UBE3C: variants seen among roughly 807,000 people sequenced by gnomAD.
UBE3C encodes the protein ubiquitin-protein ligase E3C.
UBE3C carries 42 observed loss-of-function variants against 129.4 expected under a neutral mutation model. That is an observed-to-expected ratio of 0.32 (90% CI 0.25 to 0.42). UBE3C has a LOEUF of 0.42. Among genes scored for constraint, UBE3C ranks in the 10% least tolerant of loss-of-function variants. The pLI is 1.00. For missense variants in UBE3C, 1,049 were observed against 1,319.1 expected, an observed-to-expected ratio of 0.80 and a Z score of 3.17; for synonymous variants, 510 against 492.4, an observed-to-expected ratio of 1.04 and a Z score of -0.47.
chr7:157,239,693 A>G (rs10266129), intron 18 of UBE3C, among the ~76,000 whole-genome samples: 51,513 of 152,066 alleles, frequency 0.34, 11,925 homozygotes, highest in African/African-American at 0.65. Flanking sequence ...TGTTCTAAAG[A>G]TGGGAGAAAT....
chr7:157,234,053 A>G (rs771898179), intron 18 of UBE3C, among the ~76,000 whole-genome samples: 4 of 152,238 alleles, frequency 2.6e-5, no homozygotes, highest in Admixed American at 1.3e-4. Context: ...AGTCCCTGCA[A>G]TGCAATGAAT....
intron 1 of UBE3C, among the ~76,000 whole-genome samples, chr7:157,156,291 C>G (rs1807901280): frequency 6.6e-6 from 1 of 150,524 alleles, no homozygotes; most frequent in Non-Finnish European, 1.5e-5. Flanking sequence ...ACTCCTCACA[C>G]CCCCAGTTCT....
chr7:157,189,895 G>T (rs1477215288), intron 10 of UBE3C, among the ~76,000 whole-genome samples: 2 of 152,094 alleles, frequency 1.3e-5, no homozygotes, highest in African/African-American at 4.8e-5. Context: ...CCACCTCCAG[G>T]GTTCAAGCGA....
chr7:157,201,759 G>C lies in UBE3C; in HGVS notation c.1370G>C (p.Arg457Thr). 2 of 1,603,972 alleles carry C rather than the reference G, an allele frequency of 1.2e-6. No homozygotes were observed. The highest frequency in any genetic ancestry group is 8.5e-7 in the Non-Finnish European group (1 of 1,175,660). The change falls in exon 11 of 23, where the codon AGA becomes ACA. Residue 457 changes from arginine to threonine, a missense_variant. Around this residue, in one of 4 missense-constraint regions of UBE3C, gnomAD observed 314 missense variants for 416.9 expected, o/e 0.75. Transcript: ENST00000348165. ...YSLAFNARFLRHLWFLISSMS... is the reference protein window; with the variant it reads ...YSLAFNARFLTHLWFLISSMS... ...TTAGCCTTTAATGCCAGGTTTCTGA[G>C]ACATCTTTGGTTTCTAATATCTTCC...
At chr7:157,232,220 G>A (rs1013033565) in intron 18 of UBE3C, among the ~76,000 whole-genome samples, 1 of 152,014 alleles carries the variant, frequency 6.6e-6, no homozygotes, top group Non-Finnish European at 1.5e-5. Flanking sequence ...TCTTAATTTG[G>A]TTATCTGCAA....
intron 2 of UBE3C, among the ~76,000 whole-genome samples, chr7:157,166,912 T>TGG (rs1808231275): frequency 7.9e-6 from 1 of 126,564 alleles, no homozygotes; most frequent in Non-Finnish European, 1.6e-5. Context: ...CTTTTTCCTG[T>TGG]TGGTGGTGGT....
intron 18 of UBE3C, among the ~76,000 whole-genome samples, chr7:157,236,905 T>C (rs1442578585): frequency 1.3e-5 from 2 of 151,998 alleles, no homozygotes; most frequent in African/African-American, 4.8e-5. Context: ...CTAATTTTTG[T>C]ATTTTTAGTA....
intron 18 of UBE3C, among the ~76,000 whole-genome samples, chr7:157,245,486 C>A (rs557685024): frequency 6.6e-6 from 1 of 152,190 alleles, no homozygotes; most frequent in Admixed American, 6.5e-5. Context: ...TATTAACCAT[C>A]CTTAACTTTA....
intron 18 of UBE3C, among the ~76,000 whole-genome samples, chr7:157,245,521 ACTTT>A (rs1240388155): frequency 6.6e-6 from 1 of 152,206 alleles, no homozygotes; most frequent in African/African-American, 2.4e-5. Context: ...TTTCAACACA[ACTTT>A]CTTTACATTA....
chr7:157,203,119 A>C (rs1217290859), intron 11 of UBE3C, among the ~76,000 whole-genome samples: 1 of 152,238 alleles, frequency 6.6e-6, no homozygotes, highest in Non-Finnish European at 1.5e-5. Context: ...ACTGGTGTTC[A>C]AATCATCTGG....
intron 1 of UBE3C, among the ~76,000 whole-genome samples, chr7:157,144,264 C>T (rs1392753558): frequency 6.6e-6 from 1 of 152,140 alleles, no homozygotes; most frequent in African/African-American, 2.4e-5. Context: ...CCATAGCACT[C>T]CAGCCTAGGC....
At chr7:157,142,591 A>G (rs550658003) in intron 1 of UBE3C, among the ~76,000 whole-genome samples, 1 of 152,278 alleles carries the variant, frequency 6.6e-6, no homozygotes, top group South Asian at 2.1e-4. Flanking sequence ...TGTGGAGTAC[A>G]TGTAGATTGG....
At chr7:157,254,974 G>A (rs972783034) in intron 21 of UBE3C, among the ~76,000 whole-genome samples, 3 of 118,126 alleles carry the variant, frequency 2.5e-5, no homozygotes, top group Admixed American at 8.9e-5. Flanking sequence ...CAGTCCCGGC[G>A]TGGTGGCGTA....
chr7:157,258,685 C>T (rs1168071817), intron 22 of UBE3C, among the ~76,000 whole-genome samples: 1 of 152,168 alleles, frequency 6.6e-6, no homozygotes, highest in African/African-American at 2.4e-5. Context: ...GTCTCAAACT[C>T]CTGACCTCAG....
chr7:157,166,125 C>T (rs1003614439), intron 2 of UBE3C, among the ~76,000 whole-genome samples: 1 of 152,162 alleles, frequency 6.6e-6, no homozygotes, highest in Non-Finnish European at 1.5e-5. Context: ...GTTACCAATA[C>T]TTTGAATATT....
rs559675027 is a variant in UBE3C, at chr7:157,147,896, C to T, written c.66+8558C>T. ...CGTATCTGGAATAAATCCCACTTGA[C>T]TGTGATGCATAATTCTTTGTATACG... On this transcript the variant is annotated intron_variant, in intron 1 of 22. Transcript: ENST00000348165. 1.2e-4 allele frequency among the ~76,000 whole-genome samples: 19 copies of T among 152,292 alleles called. No homozygotes were observed. The South Asian group carries it at 3.9e-3, about 32-fold the overall frequency.
At chr7:157,180,989 C>T (rs1808651741) in intron 6 of UBE3C, among the ~76,000 whole-genome samples, 1 of 152,176 alleles carries the variant, frequency 6.6e-6, no homozygotes, top group Non-Finnish European at 1.5e-5. Flanking sequence ...GTCAGGACTA[C>T]AGTGGAATGA....
intron 18 of UBE3C, chr7:157,231,654 T>C (rs961303534): frequency 3.6e-5 from 11 of 302,624 alleles, no homozygotes; most frequent in African/African-American, 2.4e-4. Context: ...GGTGACTTTT[T>C]ACAGGAGGGA....
intron 22 of UBE3C, among the ~76,000 whole-genome samples, chr7:157,260,034 A>T (rs566180484): frequency 1.3e-5 from 2 of 152,340 alleles, no homozygotes; most frequent in Non-Finnish European, 2.9e-5. Context: ...AATGAATAAT[A>T]AAGACGTATA....
Sources: gnomAD v4.1 joint callset for allele counts (sites outside exome capture counted in the v4.1 genomes callset) on GRCh38, gnomAD v4.1.1 for gene constraint, gnomAD v4.1.1 regional missense constraint, MANE v1.5 for transcripts, NCBI Gene and HGNC (gene_info 2026-07-23, HGNC 2026-07-21) for gene names.